NRXN3: variants seen among roughly 807,000 people sequenced by gnomAD.
The protein encoded by NRXN3 is neurexin III.
In NRXN3, 32 loss-of-function variants were observed where a neutral mutation model predicts 137.6. The ratio of observed to expected loss-of-function variants is 0.23; its 90% CI spans 0.18 to 0.31. The LOEUF is 0.31. NRXN3 is among the 10% of genes least tolerant of loss of function. The pLI is 1.00. For missense variants in NRXN3, 1,574 were observed against 2,062.5 expected, an observed-to-expected ratio of 0.76 and a Z score of 4.59; for synonymous variants, 798 against 784.5, an observed-to-expected ratio of 1.02 and a Z score of -0.29.
At chr14:79,470,947 AGAGAGTGTGT>A (rs777786956) in intron 16 of NRXN3, among the ~76,000 whole-genome samples, 1,638 of 102,544 alleles carry the variant, frequency 0.016, 14 homozygotes, top group East Asian at 0.075. Flanking sequence ...AGAAAGAGAG[AGAGAGTGTGT>A]GTGTGTGTGT....
chr14:78,868,322 C>G (rs1445225899), intron 10 of NRXN3, among the ~76,000 whole-genome samples: 2 of 152,072 alleles, frequency 1.3e-5, no homozygotes, highest in Non-Finnish European at 2.9e-5. Flanking sequence ...TGCTGTGACC[C>G]TCTCTGCACT....
At chr14:79,203,145 T>C (rs1484454270) in intron 15 of NRXN3, among the ~76,000 whole-genome samples, 1 of 152,188 alleles carries the variant, frequency 6.6e-6, no homozygotes, top group Non-Finnish European at 1.5e-5. Context: ...TTTCACTGCC[T>C]GGAGGAAGAT....
chr14:78,675,175 C>T (rs2097988633), intron 6 of NRXN3, among the ~76,000 whole-genome samples: 1 of 152,130 alleles, frequency 6.6e-6, no homozygotes, highest in South Asian at 2.1e-4. Context: ...AAATAAGAGG[C>T]AGAATTGGGA....
intron 16 of NRXN3, among the ~76,000 whole-genome samples, chr14:79,634,857 A>G (rs1019164179): frequency 6.6e-6 from 1 of 152,186 alleles, no homozygotes; most frequent in African/African-American, 2.4e-5. Context: ...TAATCATTAC[A>G]CTACTCTGTA....
chr14:79,153,431 A>G (rs889028831), intron 15 of NRXN3, among the ~76,000 whole-genome samples: 6 of 151,920 alleles, frequency 3.9e-5, no homozygotes, highest in Admixed American at 6.6e-5. Context: ...GAGAGAAAGA[A>G]ACTCCTAGGC....
At chr14:79,251,506 G>A (rs2075924805) in intron 15 of NRXN3, among the ~76,000 whole-genome samples, 1 of 152,154 alleles carries the variant, frequency 6.6e-6, no homozygotes, top group Admixed American at 6.5e-5. Flanking sequence ...GGAGTGAAAA[G>A]TAATAAGGAA....
intron 15 of NRXN3, among the ~76,000 whole-genome samples, chr14:79,361,293 T>C (rs552640423): frequency 2.2e-3 from 333 of 152,340 alleles, no homozygotes; most frequent in Non-Finnish European, 3.8e-3. Flanking sequence ...CCTTTTCTTT[T>C]CTTCCAGCTT....
intron 19 of NRXN3, among the ~76,000 whole-genome samples, chr14:79,789,888 C>T (rs2099139898): frequency 6.6e-6 from 1 of 152,154 alleles, no homozygotes; most frequent in South Asian, 2.1e-4. Context: ...TTACCCAGCT[C>T]CTATTCAAGA....
intron 15 of NRXN3, among the ~76,000 whole-genome samples, chr14:79,077,052 C>T (rs2046093051): frequency 6.6e-6 from 1 of 152,102 alleles, no homozygotes; most frequent in South Asian, 2.1e-4. Context: ...CTTCATTTCT[C>T]CAGTTATCGT....
At chr14:79,259,709 T>TAC (rs71131688) in intron 15 of NRXN3, among the ~76,000 whole-genome samples, 68,766 of 139,344 alleles carry the variant, frequency 0.49, 16,655 homozygotes, top group Non-Finnish European at 0.53. Flanking sequence ...TATAGTTTTA[T>TAC]ACACACACAC....
intron 16 of NRXN3, among the ~76,000 whole-genome samples, chr14:79,624,029 C>A (rs2098254551): frequency 6.6e-6 from 1 of 152,036 alleles, no homozygotes; most frequent in African/African-American, 2.4e-5. Context: ...AGAAGCTTAG[C>A]CTCCCTTCAT....
intron 19 of NRXN3, among the ~76,000 whole-genome samples, chr14:79,748,676 C>T (rs567450242): frequency 5.3e-5 from 8 of 152,124 alleles, no homozygotes; most frequent in South Asian, 2.1e-4. Context: ...AGGCCAGTGG[C>T]GGGTTTACTC....
intron 15 of NRXN3, among the ~76,000 whole-genome samples, chr14:79,453,432 T>G (rs2096209331): frequency 6.6e-6 from 1 of 152,250 alleles, no homozygotes; most frequent in African/African-American, 2.4e-5. Flanking sequence ...ACATGCAGAC[T>G]ATGTTTTTCT....
intron 16 of NRXN3, chr14:79,661,776 ACTT>A (rs371431806): frequency 6.9e-6 from 1 of 145,058 alleles, no homozygotes; most frequent in East Asian, 2.2e-4. Context: ...TCTTCCTTTT[ACTT>A]CTTCTTGAAT....
At chr14:78,985,016 T>C (rs2099499570) in intron 14 of NRXN3, among the ~76,000 whole-genome samples, 1 of 152,246 alleles carries the variant, frequency 6.6e-6, no homozygotes, top group Admixed American at 6.5e-5. Context: ...ACTATCTGAT[T>C]CTACATGGCC....
intron 4 of NRXN3, among the ~76,000 whole-genome samples, chr14:78,372,924 GTTGTCAC>G (rs1199701631): frequency 6.6e-6 from 1 of 152,164 alleles, no homozygotes; most frequent in Non-Finnish European, 1.5e-5. Context: ...GAAGAAGACA[GTTGTCAC>G]TAGTAGGGCA....
intron 4 of NRXN3, among the ~76,000 whole-genome samples, chr14:78,395,088 A>G (rs760462222): frequency 6.6e-6 from 1 of 150,798 alleles, no homozygotes; most frequent in Non-Finnish European, 1.5e-5. Flanking sequence ...TTTATCTTCC[A>G]TTTACTTTGG....
intron 19 of NRXN3, among the ~76,000 whole-genome samples, chr14:79,716,078 G>A (rs567920904): frequency 6.6e-6 from 1 of 152,280 alleles, no homozygotes; most frequent in East Asian, 1.9e-4. Context: ...ATGACAAAGG[G>A]GTGTGGGACT....
chr14:78,605,985 A>G (rs1165811098), intron 4 of NRXN3, among the ~76,000 whole-genome samples: 1 of 152,148 alleles, frequency 6.6e-6, no homozygotes, highest in Non-Finnish European at 1.5e-5. Context: ...GAATGACAAA[A>G]TGTGTGAAGA....
Sources: gnomAD v4.1 joint callset for allele counts (sites outside exome capture counted in the v4.1 genomes callset) on GRCh38, gnomAD v4.1.1 for gene constraint, MANE v1.5 for transcripts, NCBI Gene and HGNC (gene_info 2026-07-23, HGNC 2026-07-21) for gene names.